The following BBS4 variants were observed in gnomAD, a reference collection of about 807,000 sequenced individuals.
BBS4 encodes Bardet-Biedl syndrome 4.
Under a neutral mutation model 71.4 loss-of-function variants are expected in BBS4, and 58 were observed. That is an observed-to-expected ratio of 0.81 (90% CI 0.66 to 1.01). The LOEUF is 1.01. Among genes scored for constraint, BBS4 ranks in the 50% least tolerant of loss-of-function variants. The pLI is 0.00. For missense variants in BBS4, 660 were observed against 607.9 expected (o/e 1.09, Z -0.90); for synonymous variants, 228 against 216.8 (o/e 1.05, Z -0.46).
At chr15:72,729,546 G>T in intron 9 of BBS4, 70 bp from the exon 10 acceptor site, 1 of 1,461,634 alleles carries the variant, frequency 6.8e-7, no homozygotes, top group South Asian at 1.1e-5. Flanking sequence ...CACCACGCCT[G>T]GTCTGGCCAG....
chr15:72,722,129 G>GT (rs1454323967), intron 6 of BBS4, among the ~76,000 whole-genome samples: 2 of 152,172 alleles, frequency 1.3e-5, no homozygotes, highest in Non-Finnish European at 2.9e-5. Flanking sequence ...AACAATAGTT[G>GT]TGTCTGTGTT....
rs573939520 is a variant in BBS4, at chr15:72,729,539, C to T, written c.643-77C>T. On this transcript the variant is annotated intron_variant, in intron 9 of 15. Transcript: ENST00000268057. ...TGCTGGGATTATAGGCATTAGCCAC[C>T]ACGCCTGGTCTGGCCAGACTCTTTT... is the stretch of plus-strand genomic sequence containing the variant. The T allele has an allele frequency of 3.5e-5, 49 of 1,388,264 alleles. No homozygotes were observed. In the African/African-American group the frequency reaches 6.0e-4, roughly 17 times the overall value. 86.0% of individuals were successfully genotyped at this position (1,388,264 alleles called of 1,614,324 possible).
chr15:72,702,559 CTTCCTCAT>C (rs1490818692), intron 2 of BBS4, among the ~76,000 whole-genome samples: 31 of 151,398 alleles, frequency 2.0e-4, no homozygotes, highest in East Asian at 2.0e-3. Context: ...TGACTTTTTT[CTTCCTCAT>C]TTCAAGCTAA....
rs58644289 is a variant in BBS4 at position 72,688,411 on chromosome 15, CTTTTT to C, written c.24+2176_24+2180del. On this transcript the variant is annotated intron_variant, in intron 1 of 15. Transcript: ENST00000268057. ...GTCCTTTTAGGAAGTGGTATTTTATCTTTTTTTTTTTTTTTTTTTTGAGACGGAGT... is the reference window on the plus strand; with the variant it reads ...GTCCTTTTAGGAAGTGGTATTTTATCTTTTTTTTTTTTTTTGAGACGGAGT... 1.8e-3 allele frequency among the ~76,000 whole-genome samples: 149 copies of C among 83,058 alleles called. 3 individuals are homozygous for C. The highest frequency in any genetic ancestry group is 6.1e-3 in the African/African-American group (137 of 22,604). The allele number at this position is 83,058 out of a possible 152,430, so 54.5% of individuals were successfully genotyped here. A position where few individuals can be genotyped will look rare whatever the true frequency, so the allele number is the denominator to read the frequency against.
intron 5 of BBS4, 81 bp downstream of exon 5, chr15:72,715,483 G>C: frequency 1.0e-6 from 1 of 968,862 alleles, no homozygotes; most frequent in African/African-American, 1.6e-5. Context: ...CCTGCTGCTG[G>C]CAGCTGCATC....
intron 8 of BBS4, among the ~76,000 whole-genome samples, chr15:72,725,038 CTATATA>C (rs67509027): frequency 1.7e-4 from 23 of 135,560 alleles, no homozygotes; most frequent in African/African-American, 4.2e-4. Flanking sequence ...AAGCATCTGG[CTATATA>C]TATATATATA....
chr15:72,722,311 G>A (rs2065591570), intron 6 of BBS4, among the ~76,000 whole-genome samples: 1 of 152,194 alleles, frequency 6.6e-6, no homozygotes, highest in Non-Finnish European at 1.5e-5. Flanking sequence ...AGTAAATTTA[G>A]TACTTGTAAC....
At chr15:72,717,997 T>C (rs1430016261) in intron 6 of BBS4, among the ~76,000 whole-genome samples, 2 of 152,056 alleles carry the variant, frequency 1.3e-5, no homozygotes, top group Non-Finnish European at 2.9e-5. Context: ...TACAGGCGCC[T>C]GCCACCATGC....
chr15:72,715,232 G>C, intron 4 of BBS4, 59 bp from the exon 5 acceptor site: 1 of 1,300,528 alleles, frequency 7.7e-7, no homozygotes. Context: ...TCTGACCCCA[G>C]GCTCCATTCT....
At chr15:72,726,022 CCTTT>C (rs916440925) in intron 8 of BBS4, among the ~76,000 whole-genome samples, 2 of 140,284 alleles carry the variant, frequency 1.4e-5, no homozygotes, top group Non-Finnish European at 3.1e-5. Context: ...TCCCTTCCTT[CCTTT>C]TTCTCTCTTT....
chr15:72,736,647 C>T (rs2151056667), intron 14 of BBS4, 115 bp from the exon 15 acceptor site: 1 of 937,404 alleles, frequency 1.1e-6, no homozygotes, highest in Non-Finnish European at 1.7e-6. Context: ...GCCTCAACTG[C>T]TAGTACGACC....
At chr15:72,719,065 C>T (rs749120427) in intron 6 of BBS4, among the ~76,000 whole-genome samples, 9 of 150,812 alleles carry the variant, frequency 6.0e-5, no homozygotes, top group Admixed American at 1.3e-4. Context: ...GAGTTTTTTA[C>T]TTTTTTTTTG....
intron 6 of BBS4, 92 bp downstream of exon 6, chr15:72,716,942 C>A: frequency 1.1e-6 from 1 of 912,008 alleles, no homozygotes; most frequent in South Asian, 1.4e-5. Flanking sequence ...TTCTTACATT[C>A]CAAAAATGTC....
intron 2 of BBS4, among the ~76,000 whole-genome samples, chr15:72,708,642 A>AT (rs760552869): frequency 6.6e-6 from 1 of 152,210 alleles, no homozygotes; most frequent in Non-Finnish European, 1.5e-5. Flanking sequence ...AAATAGAGCC[A>AT]TATTTTTCTT....
At position 72,725,794 on chromosome 15, in the gene BBS4, T is replaced by TCTTCCCCCATCCCCCTTTCCCCATCCCC. The variant is rs2065668789; in HGVS notation, c.587+1156_587+1157insTCCCCATCCCCCTTCCCCCATCCCCCTT. Among the ~76,000 whole-genome samples the TCTTCCCCCATCCCCCTTTCCCCATCCCC allele has an allele frequency of 1.1e-4, 2 of 18,698 alleles. 1 individual carries two copies. Among genetic ancestry groups the TCTTCCCCCATCCCCCTTTCCCCATCCCC allele is most frequent in the Non-Finnish European group, 1.8e-4 (2 of 10,948 alleles). The allele number at this position is 18,698 out of a possible 152,430, so 12.3% of individuals were successfully genotyped here. A position where few individuals can be genotyped will look rare whatever the true frequency, so the allele number is the denominator to read the frequency against. On this transcript the variant is annotated intron_variant, in intron 8 of 15. Transcript: ENST00000268057. ...CTTCCTCTTCCCCTTCCTCCTTCCC[T>TCTTCCCCCATCCCCCTTTCCCCATCCCC]CTTCCCCCATCCCCCTTCCCCCATC... is the stretch of plus-strand genomic sequence containing the variant.
At chr15:72,728,666 T>C (rs929713264) in intron 9 of BBS4, among the ~76,000 whole-genome samples, 3 of 152,214 alleles carry the variant, frequency 2.0e-5, no homozygotes, top group Non-Finnish European at 4.4e-5. Flanking sequence ...CAGAGTCTTA[T>C]TGGAAAGAGA....
At chr15:72,733,647 T>C (rs2065869467) in intron 12 of BBS4, among the ~76,000 whole-genome samples, 1 of 152,190 alleles carries the variant, frequency 6.6e-6, no homozygotes, top group African/African-American at 2.4e-5. Flanking sequence ...TGGTGTACAT[T>C]TACATTTTGT....
At position 72,736,934 on chromosome 15, in the gene BBS4, C is replaced by T; in HGVS notation, c.1421C>T (p.Ser474Leu). ...SNQALGQAMS[S>L]AAAYRTLPSG... The stretch of plus-strand genomic sequence containing the variant: ...CAAGCTCTAGGACAGGCAATGTCTT[C>T]AGCAGCTGCATACAGGACGCTCCCC... The change falls in exon 15 of 16, where the codon TCA becomes TTA. Residue 474 changes from serine (S) to leucine (L), a missense_variant. By Grantham distance (145) the Ser-to-Leu change is moderately radical. Transcript: ENST00000268057. 6.2e-7 allele frequency: 1 copy of T among 1,614,216 alleles called. No individual in the cohort carries two copies. The highest frequency in any genetic ancestry group is 8.5e-7 in the Non-Finnish European group (1 of 1,180,038).
intron 8 of BBS4, among the ~76,000 whole-genome samples, chr15:72,726,046 C>T (rs2065692500): frequency 7.0e-6 from 1 of 142,356 alleles, no homozygotes; most frequent in Admixed American, 7.1e-5. Flanking sequence ...TTCTTTCCAT[C>T]CTTTCCCTCC....
Sources: gnomAD v4.1 joint callset for allele counts (sites outside exome capture counted in the v4.1 genomes callset) on GRCh38, gnomAD v4.1.1 for gene constraint, MANE v1.5 for transcripts, NCBI Gene and HGNC (gene_info 2026-07-23, HGNC 2026-07-21) for gene names.